Variants in AATF observed in about 807,000 individuals in gnomAD.
AATF encodes the protein protein AATF.
A neutral mutation model predicts 63.7 loss-of-function variants in AATF; 48 were observed. That is an observed-to-expected ratio of 0.75 (90% confidence interval 0.60 to 0.96). The LOEUF (loss-of-function observed/expected upper bound fraction) is 0.96. AATF is among the 40% of genes least tolerant of loss of function. AATF has a pLI of 0.00. For missense variants in AATF, 639 were observed against 685.7 expected (o/e 0.93, Z 0.76); for synonymous variants, 258 against 247.7 (o/e 1.04, Z -0.39).
chr17:37,001,537 C>G (rs1366823646), intron 8 of AATF, among the ~76,000 whole-genome samples: 1 of 150,674 alleles, frequency 6.6e-6, no homozygotes. Context: ...GTTAGTTTAA[C>G]ATCAAGAATC....
chr17:36,969,289 T>C (rs2071020873), intron 4 of AATF, among the ~76,000 whole-genome samples: 1 of 152,224 alleles, frequency 6.6e-6, no homozygotes, highest in Admixed American at 6.5e-5. Context: ...GTGGGTAGGC[T>C]TGGGGATCTA....
intron 10 of AATF, among the ~76,000 whole-genome samples, chr17:37,024,708 C>T (rs1275508472): frequency 6.6e-6 from 1 of 152,170 alleles, no homozygotes; most frequent in Non-Finnish European, 1.5e-5. Flanking sequence ...CCTGTAATCC[C>T]AGCACTTTGG....
In AATF at chr17:36,986,727, G is replaced by C. The variant is rs1197584220; in HGVS notation, c.943G>C (p.Gly315Arg). The C allele has an allele frequency of 6.2e-7, 1 of 1,611,832 alleles. No homozygotes were observed. ...AGTAGATGGGACAAAGCCCAATGCG[G>C]GAAGGTAAGAGAACAGAATCATGGA... ...YLVDGTKPNA[G>R]SEEISSEDDE... is the part of the protein sequence containing the mutation. Residue 315 changes from glycine to arginine, a missense_variant, in exon 5 of 12, where the codon GGA (glycine) becomes CGA (arginine). By Grantham distance (125) the Gly-to-Arg change is moderately radical. Transcript: ENST00000619387.
intron 11 of AATF, among the ~76,000 whole-genome samples, chr17:37,039,740 G>A (rs781297168): frequency 1.3e-5 from 2 of 152,128 alleles, no homozygotes; most frequent in Non-Finnish European, 2.9e-5. Flanking sequence ...CAAACCTAAG[G>A]CTTGGGCCAG....
chr17:36,987,901 A>G (rs1484877144), intron 5 of AATF, among the ~76,000 whole-genome samples: 2 of 152,256 alleles, frequency 1.3e-5, no homozygotes, highest in Non-Finnish European at 2.9e-5. Flanking sequence ...CTGTCCTATA[A>G]TACTGCAGGC....
intron 8 of AATF, among the ~76,000 whole-genome samples, chr17:37,010,256 C>T (rs1038484573): frequency 2.6e-5 from 4 of 152,126 alleles, no homozygotes; most frequent in African/African-American, 9.7e-5. Flanking sequence ...AGCTCCAGAC[C>T]ATCCTGGCTA....
chr17:36,978,148 CTTTT>C (rs1287604789), intron 4 of AATF, among the ~76,000 whole-genome samples: 2 of 151,276 alleles, frequency 1.3e-5, no homozygotes, highest in African/African-American at 4.9e-5. Context: ...ATTTTTTTTT[CTTTT>C]TGTTTCTTTC....
intron 4 of AATF, among the ~76,000 whole-genome samples, chr17:36,971,890 G>A (rs2071042040): frequency 1.3e-5 from 2 of 152,202 alleles, no homozygotes. Flanking sequence ...GATTAGGAAT[G>A]GGAGAAAGGT....
intron 10 of AATF, among the ~76,000 whole-genome samples, chr17:37,028,678 C>T (rs1255207620): frequency 1.3e-5 from 2 of 151,980 alleles, no homozygotes; most frequent in Admixed American, 6.6e-5. Context: ...TCCAGCTACT[C>T]AGGAGGCTGA....
At chr17:37,001,011 T>A (rs1013358635) in intron 8 of AATF, among the ~76,000 whole-genome samples, 1 of 151,832 alleles carries the variant, frequency 6.6e-6, no homozygotes, top group African/African-American at 2.4e-5. Context: ...CAAACCAGAC[T>A]AAAACATCAC....
chr17:36,954,921 A>G (rs2070887153), intron 4 of AATF, among the ~76,000 whole-genome samples: 2 of 152,102 alleles, frequency 1.3e-5, no homozygotes, highest in Non-Finnish European at 2.9e-5. Context: ...GTATATATCT[A>G]TATCTAGATA....
At chr17:37,011,354 G>A (rs2071389310) in intron 8 of AATF, among the ~76,000 whole-genome samples, 1 of 152,138 alleles carries the variant, frequency 6.6e-6, no homozygotes, top group African/African-American at 2.4e-5. Flanking sequence ...CAGCCTGGGC[G>A]ACAGAGCAAG....
rs771699787 is a variant in AATF, at chr17:37,048,883, G to A, written c.1620-7718G>A. On this transcript the variant is annotated intron_variant, in intron 11 of 11. Transcript: ENST00000619387. ...ATACCGAGTAGGATGAATTTGGGTC[G>A]GGGAAAGCAAAGGAATGATGAAAGG... Among the ~76,000 whole-genome samples the A allele has an allele frequency of 5.3e-5, 8 of 152,192 alleles. No homozygotes were observed. In the South Asian group the frequency reaches 1.0e-3, roughly 20 times the overall value.
At chr17:36,973,106 T>C (rs1261776439) in intron 4 of AATF, among the ~76,000 whole-genome samples, 1 of 148,532 alleles carries the variant, frequency 6.7e-6, no homozygotes, top group Non-Finnish European at 1.5e-5. Flanking sequence ...TTAATCCTGC[T>C]TTTTCTTTTC....
intron 4 of AATF, among the ~76,000 whole-genome samples, chr17:36,978,867 A>G (rs1464468604): frequency 6.6e-6 from 1 of 151,806 alleles, no homozygotes; most frequent in Non-Finnish European, 1.5e-5. Context: ...CGGAATTATG[A>G]TACAGTGGAG....
chr17:36,976,246 GTTTT>G (rs1029802257), intron 4 of AATF, among the ~76,000 whole-genome samples: 2 of 152,144 alleles, frequency 1.3e-5, no homozygotes, highest in African/African-American at 4.8e-5. Flanking sequence ...CTGTGCAATT[GTTTT>G]TTAAGCTTAT....
chr17:36,981,721 A>ATTTTTTTTTTT (rs2071126976), intron 4 of AATF, among the ~76,000 whole-genome samples: 1 of 50,824 alleles, frequency 2.0e-5, no homozygotes, highest in Non-Finnish European at 3.4e-5. Context: ...TTTTTTTTTG[A>ATTTTTTTTTTT]CAGTCAGTGT....
At chr17:36,999,682 G>A (rs1397391860) in intron 8 of AATF, among the ~76,000 whole-genome samples, 1 of 151,914 alleles carries the variant, frequency 6.6e-6, no homozygotes, top group Non-Finnish European at 1.5e-5. Flanking sequence ...TATGGTGAAA[G>A]CAAGCCCTAG....
intron 9 of AATF, among the ~76,000 whole-genome samples, chr17:37,020,001 A>AT (rs34631502): frequency 0.012 from 1,784 of 150,224 alleles, 15 homozygotes; most frequent in African/African-American, 0.016. Context: ...ATTTCCCTAG[A>AT]TTTTTTTTTT....
Sources: allele counts gnomAD v4.1 joint callset (sites outside exome capture counted in the v4.1 genomes callset), GRCh38; gene constraint gnomAD v4.1.1; transcripts MANE v1.5; gene names NCBI Gene and HGNC (gene_info 2026-07-23, HGNC 2026-07-21).